Variants in RNF151 observed in about 807,000 individuals in gnomAD.
RNF151 encodes the protein ring finger protein 151.
Under a neutral mutation model 11.1 loss-of-function variants are expected in RNF151, and 9 were observed. The observed-to-expected ratio is 0.81, with a 90% confidence interval of 0.49 to 1.42. The LOEUF is 1.42. Ranked by LOEUF, RNF151 falls within the 40% of genes most tolerant of loss-of-function variation. The pLI is 0.00. For synonymous variants in RNF151, 172 were observed against 140.7 expected (o/e 1.22, Z -1.58); for missense variants, 372 against 342.9 (o/e 1.08, Z -0.67).
Position 1,967,364 on chromosome 16 carries a change from A to G in RNF151, c.94A>G (p.Arg32Gly). ...CCATGGGGTTCTCAAGAGGCCAGCA[A>G]GGTTGCCATGCAGCCACATCTTCTG... The part of the protein sequence containing the change: ...VCHGVLKRPA[R>G]LPCSHIFCKK... Residue 32 changes from arginine (R) to glycine (G), a missense_variant, in exon 2 of 4, where the codon AGG (arginine) becomes GGG (glycine). Transcript: ENST00000569714. 6.2e-7 allele frequency: 1 copy of G among 1,613,766 alleles called. No homozygotes were observed. Among genetic ancestry groups the G allele is most frequent in the Non-Finnish European group, 8.5e-7 (1 of 1,179,860 alleles).
intron 3 of RNF151, chr16:1,968,053 G>T: frequency 1.4e-6 from 1 of 699,576 alleles, no homozygotes; most frequent in Non-Finnish European, 2.6e-6. Flanking sequence ...GGAGATTTTA[G>T]AGGACTTTTA....
rs79214674 is a variant in RNF151, at chr16:1,967,701, A to G, written c.150-24A>G. On this transcript the variant is annotated intron_variant, in intron 2 of 3. Coordinates refer to ENST00000569714, the MANE Select transcript of RNF151 (RefSeq NM_174903.6). Reference sequence around the variant, plus strand: ...GGCTCCCTTCCCACTCCCAACACTCACCCCTACTCATGCCTCCTTCCAGAC... The same window carrying G: ...GGCTCCCTTCCCACTCCCAACACTCGCCCCTACTCATGCCTCCTTCCAGAC... 2.5e-6 allele frequency: 4 copies of G among 1,575,682 alleles called. No homozygotes were observed. In the South Asian group the frequency reaches 4.6e-5, roughly 18 times the overall value.
intron 3 of RNF151, 48 bp downstream of exon 3, chr16:1,967,869 G>A (rs1227561060): frequency 2.2e-6 from 3 of 1,347,538 alleles, no homozygotes; most frequent in Non-Finnish European, 3.1e-6. Flanking sequence ...TCTCACCCTT[G>A]TAGGGGTGGG....
At chr16:1,967,028 C>G (rs1265258658) in intron 1 of RNF151, 144 bp downstream of exon 1, 3 of 1,102,752 alleles carry the variant, frequency 2.7e-6, no homozygotes, top group East Asian at 4.8e-5. Flanking sequence ...AGGAAACCTT[C>G]TGGAAGGCTC....
chr16:1,968,366 A>G, intron 3 of RNF151, 68 bp from the exon 4 acceptor site: 1 of 1,445,090 alleles, frequency 6.9e-7, no homozygotes, highest in South Asian at 1.5e-5. Flanking sequence ...TGGCGAATGG[A>G]AAGCCAGGGG....
chr16:1,967,578 GC>G, intron 2 of RNF151, 146 bp from the exon 3 acceptor site: 1 of 915,424 alleles, frequency 1.1e-6, no homozygotes. Context: ...GCAGACCCCG[GC>G]CCCACCCTCA....
intron 1 of RNF151, 46 bp from the exon 2 acceptor site, chr16:1,967,228 G>T (rs527743418): frequency 1.0e-5 from 16 of 1,590,906 alleles, no homozygotes; most frequent in Non-Finnish European, 1.4e-5. Flanking sequence ...GTGGACCAGG[G>T]ACTGGATCAC....
intron 2 of RNF151, 118 bp downstream of exon 2, chr16:1,967,537 A>T (rs1010080264): frequency 9.6e-7 from 1 of 1,045,318 alleles, no homozygotes; most frequent in East Asian, 2.6e-5. Flanking sequence ...TCCCTAAACT[A>T]AAATGTGTGT....
rs757558875 is a variant in RNF151, at chr16:1,968,513, A to G, written c.326A>G (p.Glu109Gly). The G allele has an allele frequency of 3.1e-6, 5 of 1,608,688 alleles. No homozygotes were observed. The highest frequency in any genetic ancestry group is 1.7e-5 in the Admixed American group (1 of 59,784). Residue 109 changes from glutamate to glycine, a missense_variant, in exon 4 of 4, where the codon GAG becomes GGG. By Grantham distance (98) the Glu-to-Gly change is moderately conservative. Coordinates refer to ENST00000569714, the MANE Select transcript of RNF151 (RefSeq NM_174903.6). ...RKGHQDSCPFELTACPNEGCT... is the reference protein window; with the variant it reads ...RKGHQDSCPFGLTACPNEGCT... ...GGGCACCAGGACTCATGCCCCTTTGAGCTAACGGCCTGCCCCAACGAGGGC... is the reference window on the plus strand; with the variant it reads ...GGGCACCAGGACTCATGCCCCTTTGGGCTAACGGCCTGCCCCAACGAGGGC...
chr16:1,968,898 G>T lies in RNF151; in HGVS notation c.711G>T (p.Glu237Asp). 6.3e-7 allele frequency: 1 copy of T among 1,598,592 alleles called. No homozygotes were observed. Among genetic ancestry groups the T allele is most frequent in the Non-Finnish European group, 8.5e-7 (1 of 1,173,340 alleles). Residue 237 changes from glutamate to aspartate, a missense_variant, in exon 4 of 4, where the codon GAG (glutamate) becomes GAT (aspartate). Physicochemically the swap from Glu to Asp is conservative, Grantham distance 45 (BLOSUM62 2). Coordinates refer to ENST00000569714, the MANE Select transcript of RNF151 (RefSeq NM_174903.6). Reference protein sequence around the residue: ...EGNVGAEVVGEPRANIPCK With the variant: ...EGNVGAEVVGDPRANIPCK ...ACGTTGGGGCTGAGGTGGTGGGGGA[G>T]CCCAGGGCCAACATACCTTGTAAAT...
In RNF151 at chr16:1,966,869, C is replaced by G. The variant is rs2083315450; in HGVS notation, c.-13C>G. 1 of 1,570,948 alleles carries G rather than the reference C, an allele frequency of 6.4e-7. No homozygotes were observed. ...CTCTGGGGGCCTGTGGAGCTGCTGT[C>G]TAGACGCAGATCATGGTGAGCCTGG... On this transcript the variant is annotated 5_prime_UTR_variant, in exon 1 of 4. Coordinates refer to ENST00000569714, the MANE Select transcript of RNF151 (RefSeq NM_174903.6).
intron 1 of RNF151, 64 bp from the exon 2 acceptor site, chr16:1,967,210 C>G: frequency 6.4e-7 from 1 of 1,555,504 alleles, no homozygotes; most frequent in Non-Finnish European, 8.7e-7. Flanking sequence ...GGCTCTCTTG[C>G]TCGGTATGTG....
intron 2 of RNF151, 66 bp downstream of exon 2, chr16:1,967,485 G>C: frequency 7.1e-7 from 1 of 1,415,830 alleles, no homozygotes; most frequent in Non-Finnish European, 9.7e-7. Context: ...CTGTGGCCCA[G>C]AACAGAGGGG....
At chr16:1,967,905 A>C (rs1567321329) in intron 3 of RNF151, 84 bp downstream of exon 3, 1 of 964,816 alleles carries the variant, frequency 1.0e-6, no homozygotes, top group Non-Finnish European at 1.6e-6. Flanking sequence ...AAGGCAGGAG[A>C]ATCCCATCTT....
chr16:1,967,034 G>T, intron 1 of RNF151, 150 bp downstream of exon 1: 1 of 1,116,360 alleles, frequency 9.0e-7, no homozygotes, highest in South Asian at 1.6e-5. Flanking sequence ...CCTTCTGGAA[G>T]GCTCTGGCTA....
chr16:1,967,876 TGGGGCAGGGCTAGGA>T, intron 3 of RNF151, 55 bp downstream of exon 3: 1 of 1,299,560 alleles, frequency 7.7e-7, no homozygotes, highest in Non-Finnish European at 1.1e-6. Context: ...CTTGTAGGGG[TGGGGCAGGGCTAGGA>T]GAGAAGGCAG....
In RNF151 at chr16:1,968,786, TG is replaced by T. The variant is rs758481030; in HGVS notation, c.601del (p.Ala201ArgfsTer47). 1 of 1,591,458 alleles carries T rather than the reference TG, an allele frequency of 6.3e-7. No individual in the cohort carries two copies. Among genetic ancestry groups the T allele is most frequent in the East Asian group, 2.3e-5 (1 of 43,662 alleles). ...GCCACCAGTGTCGTTCGTAGAGAGC[TG>T]GCGGAGCTCAGCAACTTCCTGGAGG... ...DQATSVVRRELAELSNFLEED... is the reference protein window; with the variant it reads ...DQATSVVRREXAELSNFLEED... On this transcript the variant is annotated frameshift_variant, in exon 4 of 4. Coordinates refer to ENST00000569714, the MANE Select transcript of RNF151 (RefSeq NM_174903.6). LOFTEE classifies it low-confidence loss of function (END_TRUNC).
Position 1,968,580 on chromosome 16 carries a change from G to C in RNF151, c.393G>C (p.Arg131=), listed in dbSNP as rs1295816007. ...QVPRGTLAEH[R]QHCQQGSQQR... ...CGCGTGGGACCCTGGCAGAGCACCG[G>C]CAGCATTGCCAGCAAGGGTCCCAGC... The change falls in exon 4 of 4, where the codon CGG becomes CGC. Residue 131 remains arginine (R), a synonymous_variant. Transcript: ENST00000569714. 5 of 1,599,594 alleles carry C rather than the reference G, an allele frequency of 3.1e-6. No individual in the cohort carries two copies. Among genetic ancestry groups the C allele is most frequent in the Admixed American group, 1.7e-5 (1 of 58,794 alleles).
intron 1 of RNF151, 82 bp downstream of exon 1, chr16:1,966,966 C>T (rs1401387536): frequency 5.5e-6 from 8 of 1,460,980 alleles, no homozygotes; most frequent in Non-Finnish European, 7.4e-6. Context: ...GGGATCGACC[C>T]CACTCCACTC....
Sources: gnomAD v4.1 joint callset for allele counts on GRCh38, gnomAD v4.1.1 for gene constraint, MANE v1.5 for transcripts, NCBI Gene and HGNC (gene_info 2026-07-23, HGNC 2026-07-21) for gene names.